Variants in ADAMTS17 observed in about 807,000 individuals in gnomAD.
ADAMTS17 encodes ADAM metallopeptidase with thrombospondin type 1 motif 17, also known as A disintegrin and metalloproteinase with thrombospondin motifs 17.
Under a neutral mutation model 141.5 loss-of-function variants are expected in ADAMTS17, and 113 were observed. That is an observed-to-expected ratio of 0.80 (90% confidence interval 0.69 to 0.93). The LOEUF is 0.93. Among genes scored for constraint, ADAMTS17 ranks in the 40% least tolerant of loss-of-function variants. The pLI is 0.00. For missense variants in ADAMTS17, 1,659 were observed against 1,517.9 expected, an observed-to-expected ratio of 1.09 and a Z score of -1.54; for synonymous variants, 768 against 630.6, an observed-to-expected ratio of 1.22 and a Z score of -3.27.
chr15:100,154,110 G>A (rs1407370365), intron 9 of ADAMTS17, among the ~76,000 whole-genome samples: 1 of 152,150 alleles, frequency 6.6e-6, no homozygotes, highest in African/African-American at 2.4e-5. Context: ...GAACCTGGGA[G>A]ACAGAGGTTG....
chr15:100,326,220 ATTAAC>A (rs1332627872), intron 3 of ADAMTS17, among the ~76,000 whole-genome samples: 3 of 152,236 alleles, frequency 2.0e-5, no homozygotes, highest in Admixed American at 6.5e-5. Flanking sequence ...TGTTTAAAAT[ATTAAC>A]TTAAAGAAAC....
At chr15:100,099,645 TG>T (rs1225858317) in intron 14 of ADAMTS17, among the ~76,000 whole-genome samples, 4 of 152,216 alleles carry the variant, frequency 2.6e-5, no homozygotes, top group African/African-American at 9.6e-5. Context: ...GGCCAGCATT[TG>T]CTGGTCGCGC....
At chr15:100,070,388 G>C (rs1428351020) in intron 15 of ADAMTS17, among the ~76,000 whole-genome samples, 1 of 149,710 alleles carries the variant, frequency 6.7e-6, no homozygotes, top group Non-Finnish European at 1.5e-5. Flanking sequence ...TGCACCAAGT[G>C]GACCTAATAG....
intron 15 of ADAMTS17, among the ~76,000 whole-genome samples, chr15:100,091,776 C>G (rs1414595229): frequency 1.3e-5 from 2 of 152,166 alleles, no homozygotes; most frequent in African/African-American, 4.8e-5. Context: ...CCCCTGAAAT[C>G]AGAGTTCTTT....
intron 18 of ADAMTS17, among the ~76,000 whole-genome samples, chr15:100,008,415 G>A (rs780594408): frequency 1.3e-5 from 2 of 152,186 alleles, no homozygotes; most frequent in Non-Finnish European, 2.9e-5. Flanking sequence ...CCCACAGGTG[G>A]TGCCTCATGG....
chr15:100,118,402 A>G (rs887991718), intron 12 of ADAMTS17, among the ~76,000 whole-genome samples: 2 of 152,208 alleles, frequency 1.3e-5, no homozygotes, highest in African/African-American at 4.8e-5. Context: ...ATACACTAGA[A>G]AACAGTTCCC....
chr15:100,037,404 C>CTT lies in ADAMTS17; in HGVS notation c.2591+11451_2591+11452dup, dbSNP rs544467796. ...AGCTGTAGTAGCTCTTTAGGTATTC[C>CTT]TTTTTTTTTTTTTTTCTTCTTTTTG... On this transcript the variant is annotated intron_variant, in intron 18 of 21. Transcript: ENST00000268070. Among the ~76,000 whole-genome samples the CTT allele has an allele frequency of 1.8e-4, 25 of 142,704 alleles. No homozygotes were observed. The South Asian group carries it at 2.7e-3, about 15-fold the overall frequency. The allele number at this position is 142,704 out of a possible 152,430, so 93.6% of individuals were successfully genotyped here. A position where few individuals can be genotyped will look rare whatever the true frequency, so the allele number is the denominator to read the frequency against.
intron 11 of ADAMTS17, 21 bp from the exon 12 acceptor site, chr15:100,132,173 T>C: frequency 6.2e-7 from 1 of 1,610,678 alleles, no homozygotes; most frequent in Non-Finnish European, 8.5e-7. Flanking sequence ...GCGGGGAGGG[T>C]CGGGGCCCAG....
At chr15:99,976,022 C>T (rs1454444608) in intron 21 of ADAMTS17, 23 bp downstream of exon 21, 7 of 1,543,226 alleles carry the variant, frequency 4.5e-6, no homozygotes, top group Non-Finnish European at 6.1e-6. Flanking sequence ...CCCCTGGGAA[C>T]CGGGGCCAGT....
rs1371333011 is a variant in ADAMTS17, at chr15:100,026,929, C to T, written c.2591+21928G>A. ...CTCACACCAGCAATGACAGAGATTGCCAATGGCTCCACGTCCTTGCCAAAA... is the reference window on the plus strand; with the variant it reads ...CTCACACCAGCAATGACAGAGATTGTCAATGGCTCCACGTCCTTGCCAAAA... On this transcript the variant is annotated intron_variant, in intron 18 of 21. Coordinates refer to ENST00000268070, the MANE Select transcript of ADAMTS17 (RefSeq NM_139057.4). Among the ~76,000 whole-genome samples the T allele has an allele frequency of 9.2e-5, 14 of 152,218 alleles. 1 individual carries two copies. Among genetic ancestry groups the T allele is most frequent in the Admixed American group, 8.5e-4 (13 of 15,282 alleles).
intron 14 of ADAMTS17, among the ~76,000 whole-genome samples, chr15:100,106,341 C>G (rs183458128): frequency 6.6e-5 from 10 of 152,146 alleles, no homozygotes; most frequent in African/African-American, 1.9e-4. Flanking sequence ...TTAGAGCAGC[C>G]TGAGTTGACT....
At chr15:100,141,321 G>A (rs1356215178) in intron 10 of ADAMTS17, among the ~76,000 whole-genome samples, 1 of 152,170 alleles carries the variant, frequency 6.6e-6, no homozygotes, top group Admixed American at 6.5e-5. Flanking sequence ...TGGTGTCCCT[G>A]TCAAGGACTG....
At chr15:100,126,700 C>G (rs1391065125) in intron 12 of ADAMTS17, among the ~76,000 whole-genome samples, 1 of 152,198 alleles carries the variant, frequency 6.6e-6, no homozygotes, top group African/African-American at 2.4e-5. Context: ...TTTGGAGGCA[C>G]TGGTATTGCA....
In ADAMTS17 at chr15:100,152,633, G is replaced by A; in HGVS notation, c.1452C>T (p.Ala484=). The A allele has an allele frequency of 6.2e-7, 1 of 1,614,050 alleles. No homozygotes were observed. The highest frequency in any genetic ancestry group is 8.5e-7 in the Non-Finnish European group (1 of 1,180,028). Reference sequence around the variant, plus strand: ...TTACCTCCATGTTTCTGCAGAAGGTGGCATTCATGCCAAACAGGATCTGGC... The same window carrying A: ...TTACCTCCATGTTTCTGCAGAAGGTAGCATTCATGCCAAACAGGATCTGGC... ...EQCQILFGMN[A]TFCRNMEHLM... is the part of the protein sequence containing the mutation. The change falls in exon 10 of 22, where the codon GCC becomes GCT. Residue 484 remains alanine (A), a synonymous_variant. Transcript: ENST00000268070.
At position 100,084,003 on chromosome 15, in the gene ADAMTS17, G is replaced by C. The variant is rs575764484; in HGVS notation, c.2137+12353C>G. Among the ~76,000 whole-genome samples, 4 of 152,164 alleles carry C rather than the reference G, an allele frequency of 2.6e-5. No individual in the cohort carries two copies. In the South Asian group the frequency reaches 8.3e-4, roughly 32 times the overall value. ...AGTGCTGGACAGTGGGTGCAGGACA[G>C]TGGGTGCAGTGCACCGTGAGTGAGC... On this transcript the variant is annotated intron_variant, in intron 15 of 21. Transcript: ENST00000268070.
intron 3 of ADAMTS17, among the ~76,000 whole-genome samples, chr15:100,304,729 T>C (rs1197812842): frequency 6.6e-6 from 1 of 152,218 alleles, no homozygotes. Flanking sequence ...TTGTGCATTT[T>C]GGTCTGCTGT....
At chr15:100,218,099 C>A (rs1464443636) in intron 7 of ADAMTS17, among the ~76,000 whole-genome samples, 1 of 152,202 alleles carries the variant, frequency 6.6e-6, no homozygotes, top group African/African-American at 2.4e-5. Flanking sequence ...TCTCAAACTC[C>A]TGGGCTCAAG....
intron 7 of ADAMTS17, among the ~76,000 whole-genome samples, chr15:100,203,045 G>A (rs1241114234): frequency 6.6e-6 from 1 of 152,200 alleles, no homozygotes; most frequent in East Asian, 1.9e-4. Flanking sequence ...GAGGCAGAAA[G>A]GCAACTGGAA....
chr15:100,044,903 G>A (rs945105119), intron 18 of ADAMTS17, among the ~76,000 whole-genome samples: 2 of 151,760 alleles, frequency 1.3e-5, no homozygotes, highest in African/African-American at 4.8e-5. Context: ...TGTATCCCAG[G>A]TTCAAGCAAT....
Sources: gnomAD v4.1 joint callset for allele counts (sites outside exome capture counted in the v4.1 genomes callset) on GRCh38, gnomAD v4.1.1 for gene constraint, MANE v1.5 for transcripts, NCBI Gene and HGNC (gene_info 2026-07-23, HGNC 2026-07-21) for gene names.